Variants in AMBRA1 observed in about 807,000 individuals in gnomAD.
The protein encoded by AMBRA1 is autophagy and beclin 1 regulator 1, also known as activating molecule in BECN1-regulated autophagy protein 1.
In AMBRA1, 47 loss-of-function variants were observed where a neutral mutation model predicts 125.4. That is an observed-to-expected ratio of 0.37 (90% CI 0.30 to 0.48). The LOEUF (loss-of-function observed/expected upper bound fraction) is 0.48. Ranked by LOEUF, AMBRA1 falls within the 20% of genes least tolerant of loss-of-function variation. The pLI is 0.99. For synonymous variants in AMBRA1, 626 were observed against 655.5 expected (o/e 0.95, Z 0.69); for missense variants, 1,331 against 1,693.4 (o/e 0.79, Z 3.76).
intron 11 of AMBRA1, among the ~76,000 whole-genome samples, chr11:46,483,882 T>C (rs1435154665): frequency 6.6e-6 from 1 of 152,014 alleles, no homozygotes; most frequent in Non-Finnish European, 1.5e-5. Context: ...AAAGTGAGAC[T>C]CTGTCTCGAA....
At chr11:46,549,415 A>G (rs1340468378) in intron 1 of AMBRA1, among the ~76,000 whole-genome samples, 1 of 152,226 alleles carries the variant, frequency 6.6e-6, no homozygotes, top group Admixed American at 6.5e-5. Flanking sequence ...AGAATTGTCA[A>G]TATTTTGCCA....
chr11:46,567,723 G>A (rs558978464), intron 1 of AMBRA1, among the ~76,000 whole-genome samples: 15 of 151,924 alleles, frequency 9.9e-5, no homozygotes, highest in Admixed American at 5.9e-4. Flanking sequence ...CCCAACCAGC[G>A]ATTCCTCTGT....
intron 11 of AMBRA1, among the ~76,000 whole-genome samples, chr11:46,457,410 G>A (rs1395249674): frequency 6.6e-6 from 1 of 152,178 alleles, no homozygotes; most frequent in East Asian, 1.9e-4. Flanking sequence ...CATTCACCTT[G>A]GAAGGGGGGA....
chr11:46,488,703 A>G (rs1220932926), intron 11 of AMBRA1, among the ~76,000 whole-genome samples: 1 of 152,202 alleles, frequency 6.6e-6, no homozygotes, highest in East Asian at 1.9e-4. Flanking sequence ...CCTATATACT[A>G]AGCCATAAAA....
chr11:46,593,547 T>A (rs994235283), intron 1 of AMBRA1, among the ~76,000 whole-genome samples: 3 of 152,004 alleles, frequency 2.0e-5, no homozygotes, highest in African/African-American at 7.3e-5. Flanking sequence ...GCTCTATCGG[T>A]TCCTGGAAAG....
intron 11 of AMBRA1, among the ~76,000 whole-genome samples, chr11:46,472,498 C>T (rs1274453568): frequency 5.9e-5 from 9 of 152,158 alleles, no homozygotes; most frequent in Non-Finnish European, 1.2e-4. Flanking sequence ...AGGAACATAG[C>T]GGTAAGTACC....
intron 7 of AMBRA1, among the ~76,000 whole-genome samples, chr11:46,531,485 G>A (rs879871674): frequency 1.3e-5 from 2 of 152,020 alleles, no homozygotes; most frequent in African/African-American, 2.4e-5. Context: ...CAAGGTGGGC[G>A]GATCATCTGA....
At chr11:46,524,702 A>AT (rs1369206972) in intron 7 of AMBRA1, among the ~76,000 whole-genome samples, 1 of 152,078 alleles carries the variant, frequency 6.6e-6, no homozygotes, top group Non-Finnish European at 1.5e-5. Context: ...AGCCATTACT[A>AT]TTTTTTTCTT....
At chr11:46,399,747 T>C (rs1945635192) in intron 17 of AMBRA1, among the ~76,000 whole-genome samples, 1 of 152,156 alleles carries the variant, frequency 6.6e-6, no homozygotes, top group South Asian at 2.1e-4. Flanking sequence ...CACAAGCTAT[T>C]CCCCAGTTAT....
intron 11 of AMBRA1, among the ~76,000 whole-genome samples, chr11:46,479,293 G>C (rs1483777466): frequency 3.9e-5 from 6 of 152,200 alleles, no homozygotes; most frequent in Non-Finnish European, 7.3e-5. Context: ...GCATGTTACA[G>C]TAATGGCCCC....
rs1951322392 is a variant in AMBRA1 at position 46,512,963 on chromosome 11, G to C, written c.2073-150C>G. On this transcript the variant is annotated intron_variant, in intron 7 of 17. Coordinates refer to ENST00000683756, the MANE Select transcript of AMBRA1 (RefSeq NM_001387011.1). Reference sequence around the variant, plus strand: ...GGGATCACACCCTTCTACAAGCTAAGTAGGTAGAGACACAAATAAATGAAG... The same window carrying C: ...GGGATCACACCCTTCTACAAGCTAACTAGGTAGAGACACAAATAAATGAAG... The C allele has an allele frequency of 6.4e-6, 4 of 622,270 alleles. No individual in the cohort carries two copies. The Admixed American group carries it at 1.3e-4, about 21-fold the overall frequency. 38.5% of individuals were successfully genotyped at this position (622,270 alleles called of 1,614,324 possible).
At chr11:46,481,688 C>G (rs11604614) in intron 11 of AMBRA1, among the ~76,000 whole-genome samples, 1 of 152,210 alleles carries the variant, frequency 6.6e-6, no homozygotes, top group East Asian at 1.9e-4. Flanking sequence ...AAGGTAAAGC[C>G]TGAGATTAGA....
At chr11:46,585,721 TA>T (rs1209167441) in intron 1 of AMBRA1, among the ~76,000 whole-genome samples, 5 of 99,846 alleles carry the variant, frequency 5.0e-5, no homozygotes, top group Non-Finnish European at 8.1e-5. Context: ...TATATATATA[TA>T]TTCCTAGCTT....
At chr11:46,563,981 C>T (rs1422871247) in intron 1 of AMBRA1, among the ~76,000 whole-genome samples, 3 of 151,308 alleles carry the variant, frequency 2.0e-5, no homozygotes, top group African/African-American at 7.3e-5. Flanking sequence ...CCCGTCTCTA[C>T]TAAAAATACA....
At chr11:46,409,209 CT>C (rs750273261) in intron 16 of AMBRA1, among the ~76,000 whole-genome samples, 401 of 145,148 alleles carry the variant, frequency 2.8e-3, no homozygotes, top group Middle Eastern at 3.6e-3. Context: ...AACTGGAACT[CT>C]TTTTTTTTTT....
At chr11:46,586,694 A>G (rs1245430132) in intron 1 of AMBRA1, among the ~76,000 whole-genome samples, 1 of 152,198 alleles carries the variant, frequency 6.6e-6, no homozygotes, top group African/African-American at 2.4e-5. Flanking sequence ...TGCTTTATAC[A>G]TATTAACTAA....
chr11:46,511,975 C>T (rs1047868358), intron 8 of AMBRA1, among the ~76,000 whole-genome samples: 1 of 152,240 alleles, frequency 6.6e-6, no homozygotes, highest in Non-Finnish European at 1.5e-5. Context: ...CTGCCTCAGC[C>T]TCCCAAGTAG....
At chr11:46,432,080 T>C (rs1220391908) in intron 14 of AMBRA1, among the ~76,000 whole-genome samples, 1 of 152,190 alleles carries the variant, frequency 6.6e-6, no homozygotes, top group Admixed American at 6.5e-5. Flanking sequence ...ATTCATTCAC[T>C]TTCTACTAAG....
At chr11:46,560,603 T>C (rs1240712611) in intron 1 of AMBRA1, among the ~76,000 whole-genome samples, 1 of 152,198 alleles carries the variant, frequency 6.6e-6, no homozygotes, top group African/African-American at 2.4e-5. Flanking sequence ...ACGGAAGTTT[T>C]ATCTGCAAAT....
Sources: allele counts gnomAD v4.1 joint callset (sites outside exome capture counted in the v4.1 genomes callset), GRCh38; gene constraint gnomAD v4.1.1; transcripts MANE v1.5; gene names NCBI Gene and HGNC (gene_info 2026-07-23, HGNC 2026-07-21).